DCDC2: variants seen among roughly 807,000 people sequenced by gnomAD.
The protein encoded by DCDC2 is doublecortin domain-containing protein 2.
DCDC2 carries 40 observed loss-of-function variants against 50.2 expected under a neutral mutation model. The ratio of observed to expected loss-of-function variants is 0.80; its 90% confidence interval spans 0.62 to 1.04. The LOEUF (loss-of-function observed/expected upper bound fraction) is 1.04. Ranked by LOEUF, DCDC2 falls within the 50% of genes least tolerant of loss-of-function variation. DCDC2 has a pLI of 0.00. For missense variants in DCDC2, 570 were observed against 581.9 expected, an observed-to-expected ratio of 0.98 and a Z score of 0.21; for synonymous variants, 234 against 210.6, an observed-to-expected ratio of 1.11 and a Z score of -0.96.
intron 2 of DCDC2, 35 bp downstream of exon 2, chr6:24,353,530 CGTTA>C (rs772948054): frequency 7.7e-7 from 1 of 1,291,804 alleles, no homozygotes; most frequent in Non-Finnish European, 1.1e-6. Flanking sequence ...CAAATGGCAC[CGTTA>C]TTTATTTGAA....
intron 2 of DCDC2, among the ~76,000 whole-genome samples, chr6:24,330,383 C>T (rs1759944960): frequency 2.0e-5 from 3 of 152,130 alleles, no homozygotes; most frequent in Admixed American, 2.0e-4. Context: ...AATCTTCACA[C>T]CGTGGGGAGT....
At position 24,174,755 on chromosome 6, in the gene DCDC2, T is replaced by G. The variant is rs1341118731; in HGVS notation, c.1406A>C (p.Asn469Thr). Residue 469 changes from asparagine to threonine, a missense_variant, in exon 10 of 10, where the codon AAC becomes ACC. Transcript: ENST00000378454. ...CTAAGCCACGGCAGCATAGTCCTTG[T>G]TTTGTTGGTTGTTTTCATTTTCTTC... Reference protein sequence around the residue: ...SPEENENNQQNKDYAAVA With the variant: ...SPEENENNQQTKDYAAVA 20 of 1,613,566 alleles carry G rather than the reference T, an allele frequency of 1.2e-5. No individual in the cohort carries two copies. Among genetic ancestry groups the G allele is most frequent in the Admixed American group, 1.7e-5 (1 of 60,006 alleles).
At chr6:24,369,526 C>T in the DCDC2 span, among the ~76,000 whole-genome samples, 1 of 151,866 alleles carries the variant, frequency 6.6e-6, no homozygotes, top group African/African-American at 2.4e-5. Context: ...AAGAGAATCG[C>T]TTGAACCTGG....
intron 8 of DCDC2, among the ~76,000 whole-genome samples, chr6:24,201,800 A>G (rs967252330): frequency 4.6e-5 from 7 of 152,236 alleles, no homozygotes; most frequent in African/African-American, 1.7e-4. Flanking sequence ...AAAATAGATA[A>G]AGGGGAGATC....
At chr6:24,295,778 C>T (rs1008763416) in intron 4 of DCDC2, among the ~76,000 whole-genome samples, 4 of 152,044 alleles carry the variant, frequency 2.6e-5, no homozygotes, top group African/African-American at 9.7e-5. Context: ...GGTAAAAGAT[C>T]TCTACAATGA....
At chr6:24,245,051 T>C (rs376268257) in intron 7 of DCDC2, among the ~76,000 whole-genome samples, 89 of 152,184 alleles carry the variant, frequency 5.8e-4, no homozygotes, top group African/African-American at 2.0e-3. Flanking sequence ...AAAAATTAGC[T>C]GGGTGTGGTG....
At position 24,357,795 on chromosome 6, in the gene DCDC2, G is replaced by T; in HGVS notation, c.-45C>A. ...CTCAGCTCGCTGCTTCGCGTCGGGA[G>T]GCACCTCCGCTGTCCCAGCGGCCTC... On this transcript the variant is annotated 5_prime_UTR_variant, in exon 1 of 10. Transcript: ENST00000378454. 6.2e-7 allele frequency: 1 copy of T among 1,611,734 alleles called. No homozygotes were observed. The highest frequency in any genetic ancestry group is 8.5e-7 in the Non-Finnish European group (1 of 1,179,110).
the DCDC2 span, among the ~76,000 whole-genome samples, chr6:24,377,658 C>T: frequency 1.3e-5 from 2 of 152,122 alleles, no homozygotes; most frequent in African/African-American, 4.8e-5. Context: ...CCTTAGTGTC[C>T]TTATCCATAA....
In DCDC2 at chr6:24,271,224, A is replaced by AAAAAAAAAAAAAG. The variant is rs919124775; in HGVS notation, c.922+6824_922+6825insCTTTTTTTTTTTT. ...CACTCCCTCAAAAAAAAAAAAAAAA[A>AAAAAAAAAAAAAG]AGAGAGAGAGAGAGAGAAAGAAAGA... is the stretch of plus-strand genomic sequence containing the variant. On this transcript the variant is annotated intron_variant, in intron 7 of 9. Coordinates refer to ENST00000378454, the MANE Select transcript of DCDC2 (RefSeq NM_016356.5). Among the ~76,000 whole-genome samples the AAAAAAAAAAAAAG allele has an allele frequency of 3.5e-4, 50 of 143,010 alleles. 1 individual carries two copies. The highest frequency in any genetic ancestry group is 3.8e-3 in the Middle Eastern group (1 of 262). The allele number at this position is 143,010 out of a possible 152,430, so 93.8% of individuals were successfully genotyped here.
intron 8 of DCDC2, among the ~76,000 whole-genome samples, chr6:24,202,460 T>C (rs1195778552): frequency 1.3e-5 from 2 of 152,080 alleles, no homozygotes; most frequent in Non-Finnish European, 2.9e-5. Flanking sequence ...TCTCAATAAA[T>C]AAGGTATTGA....
the DCDC2 span, among the ~76,000 whole-genome samples, chr6:24,366,520 T>C: frequency 1.3e-5 from 2 of 152,212 alleles, no homozygotes; most frequent in Non-Finnish European, 2.9e-5. Context: ...GTATCTTCCA[T>C]GGGTCTTCTA....
chr6:24,301,648 C>G lies in DCDC2; in HGVS notation c.557+67G>C, dbSNP rs1581640587. 4 of 1,576,094 alleles carry G rather than the reference C, an allele frequency of 2.5e-6. No individual in the cohort carries two copies. The East Asian group carries it at 9.0e-5, about 35-fold the overall frequency. The stretch of plus-strand genomic sequence containing the variant: ...ATTCAAATCCACAGACCAGTGACTC[C>G]GGAGCCTCCTGAGAATATCTTCAAC... On this transcript the variant is annotated intron_variant, in intron 4 of 9. Coordinates refer to ENST00000378454, the MANE Select transcript of DCDC2 (RefSeq NM_016356.5).
intron 7 of DCDC2, among the ~76,000 whole-genome samples, chr6:24,230,507 G>A (rs1762318694): frequency 6.6e-6 from 1 of 152,100 alleles, no homozygotes; most frequent in Admixed American, 6.6e-5. Context: ...AGCTGAGTGT[G>A]GTGGCGCACA....
chr6:24,375,034 T>G, the DCDC2 span, among the ~76,000 whole-genome samples: 1 of 152,158 alleles, frequency 6.6e-6, no homozygotes, highest in African/African-American at 2.4e-5. Context: ...CTCACCTTCC[T>G]ACTCTATCAG....
At chr6:24,207,500 T>A (rs746569607) in intron 7 of DCDC2, among the ~76,000 whole-genome samples, 15 of 152,190 alleles carry the variant, frequency 9.9e-5, no homozygotes, top group Non-Finnish European at 2.2e-4. Context: ...TTTTAATGAA[T>A]AGATACTATT....
At chr6:24,226,199 G>A (rs746655187) in intron 7 of DCDC2, among the ~76,000 whole-genome samples, 2 of 152,176 alleles carry the variant, frequency 1.3e-5, no homozygotes, top group Non-Finnish European at 2.9e-5. Flanking sequence ...TTCAGGTATT[G>A]TGGTAACATT....
At chr6:24,206,984 A>G (rs1313567232) in intron 7 of DCDC2, among the ~76,000 whole-genome samples, 2 of 152,240 alleles carry the variant, frequency 1.3e-5, no homozygotes, top group African/African-American at 2.4e-5. Flanking sequence ...AAGAATAAAC[A>G]GTGATCAAAA....
intron 2 of DCDC2, among the ~76,000 whole-genome samples, chr6:24,325,585 T>A (rs761715286): frequency 6.7e-6 from 1 of 149,570 alleles, no homozygotes; most frequent in Non-Finnish European, 1.5e-5. Flanking sequence ...TCATGTTCTC[T>A]TAGTCCAGAA....
At chr6:24,227,290 G>A (rs1762251486) in intron 7 of DCDC2, among the ~76,000 whole-genome samples, 1 of 152,172 alleles carries the variant, frequency 6.6e-6, no homozygotes, top group Non-Finnish European at 1.5e-5. Context: ...ATCAGAGAGG[G>A]TGAAAATTAC....
Sources: gnomAD v4.1 joint callset for allele counts (sites outside exome capture counted in the v4.1 genomes callset) on GRCh38, gnomAD v4.1.1 for gene constraint, MANE v1.5 for transcripts, NCBI Gene and HGNC (gene_info 2026-07-23, HGNC 2026-07-21) for gene names.